The following CNGB3 variants were observed in gnomAD, a reference collection of about 807,000 sequenced individuals.
The protein encoded by CNGB3 is cyclic nucleotide-gated channel beta-3.
In CNGB3, 86 loss-of-function variants were observed where a neutral mutation model predicts 92.8. The observed-to-expected ratio is 0.93, with a 90% confidence interval of 0.78 to 1.11. The LOEUF (loss-of-function observed/expected upper bound fraction) is 1.11. Ranked by LOEUF, CNGB3 falls within the 50% of genes least tolerant of loss-of-function variation. The pLI is 0.00. For missense variants in CNGB3, 1,026 were observed against 956.8 expected, an observed-to-expected ratio of 1.07 and a Z score of -0.95; for synonymous variants, 333 against 332.7, an observed-to-expected ratio of 1.00 and a Z score of -0.01.
intron 8 of CNGB3, among the ~76,000 whole-genome samples, chr8:86,645,850 T>C (rs975620386): frequency 2.6e-5 from 4 of 151,214 alleles, no homozygotes; most frequent in African/African-American, 9.7e-5. Flanking sequence ...ATAAAATGTA[T>C]ATTCATTTGT....
intron 13 of CNGB3, among the ~76,000 whole-genome samples, chr8:86,614,378 C>A (rs375252847): frequency 9.5e-4 from 144 of 152,186 alleles, no homozygotes; most frequent in African/African-American, 3.2e-3. Flanking sequence ...TGTAAACCAA[C>A]CTGTTAGAAC....
At chr8:86,632,648 G>C in intron 11 of CNGB3, 104 bp downstream of exon 11, 1 of 1,222,372 alleles carries the variant, frequency 8.2e-7, no homozygotes, top group South Asian at 1.3e-5. Flanking sequence ...TTCAAAAAAA[G>C]AAGAACCAGA....
intron 3 of CNGB3, among the ~76,000 whole-genome samples, chr8:86,687,963 A>G (rs1209994104): frequency 6.6e-6 from 1 of 152,054 alleles, no homozygotes; most frequent in Non-Finnish European, 1.5e-5. Context: ...TGAAAAACAC[A>G]ATTACAGAAT....
At chr8:86,729,823 G>T (rs551880080) in intron 2 of CNGB3, among the ~76,000 whole-genome samples, 34 of 152,358 alleles carry the variant, frequency 2.2e-4, no homozygotes, top group African/African-American at 8.2e-4. Flanking sequence ...GTGAAATGTT[G>T]TCAACGGCAC....
chr8:86,694,374 G>C (rs1192671776), intron 3 of CNGB3, among the ~76,000 whole-genome samples: 2 of 150,554 alleles, frequency 1.3e-5, no homozygotes, highest in African/African-American at 2.4e-5. Context: ...CTTCCCTCCC[G>C]GACGGGGTGG....
At chr8:86,658,205 C>T (rs959312729) in intron 6 of CNGB3, 5 of 559,276 alleles carry the variant, frequency 8.9e-6, no homozygotes, top group African/African-American at 5.7e-5. Flanking sequence ...GACAGCTCAC[C>T]CTTTGCTCCT....
intron 7 of CNGB3, among the ~76,000 whole-genome samples, chr8:86,648,869 T>G (rs1178134346): frequency 6.6e-6 from 1 of 151,410 alleles, no homozygotes; most frequent in Non-Finnish European, 1.5e-5. Context: ...AAAATATCAC[T>G]GTTCGCTGAT....
chr8:86,599,130 C>T (rs1822236949), intron 15 of CNGB3, among the ~76,000 whole-genome samples: 2 of 152,194 alleles, frequency 1.3e-5, no homozygotes, highest in Admixed American at 1.3e-4. Context: ...GTGAAGATTT[C>T]ATGGACATTT....
intron 10 of CNGB3, among the ~76,000 whole-genome samples, chr8:86,640,161 T>C (rs933518506): frequency 1.3e-5 from 2 of 152,146 alleles, no homozygotes; most frequent in Admixed American, 6.6e-5. Context: ...CACACTTTGA[T>C]GATATATTGG....
chr8:86,576,035 T>A lies in CNGB3; in HGVS notation c.2199A>T (p.Lys733Asn). 6.2e-7 allele frequency: 1 copy of A among 1,606,418 alleles called. No individual in the cohort carries two copies. Among genetic ancestry groups the A allele is most frequent in the Non-Finnish European group, 8.5e-7 (1 of 1,176,250 alleles). The change falls in exon 18 of 18, where the codon AAA becomes AAT. Residue 733 changes from lysine to asparagine, a missense_variant. Coordinates refer to ENST00000320005, the MANE Select transcript of CNGB3 (RefSeq NM_019098.5). ...TATCTTTATCTTCATTTTCTTTTCCTTTATCTTCATTTTCTTTTTGTTTAT... is the reference window on the plus strand; with the variant it reads ...TATCTTTATCTTCATTTTCTTTTCCATTATCTTCATTTTCTTTTTGTTTAT... The part of the protein sequence containing the change: ...NEDKQKENED[K>N]GKENEDKDKG...
intron 2 of CNGB3, among the ~76,000 whole-genome samples, chr8:86,734,467 C>T (rs754135948): frequency 2.6e-5 from 4 of 152,126 alleles, no homozygotes; most frequent in South Asian, 2.1e-4. Context: ...GATCACTAAA[C>T]GCATTGCCAG....
At chr8:86,590,020 C>T (rs1029680122) in intron 15 of CNGB3, among the ~76,000 whole-genome samples, 3 of 147,462 alleles carry the variant, frequency 2.0e-5, no homozygotes, top group African/African-American at 7.5e-5. Flanking sequence ...AATCTGGGTG[C>T]TCCTGTATTG....
intron 13 of CNGB3, among the ~76,000 whole-genome samples, chr8:86,622,560 C>G (rs1253970730): frequency 6.6e-6 from 1 of 152,256 alleles, no homozygotes; most frequent in Middle Eastern, 3.4e-3. Context: ...CTCCTCATCC[C>G]CATTCACCAC....
At chr8:86,726,820 A>T (rs1054610517) in intron 2 of CNGB3, among the ~76,000 whole-genome samples, 163 bp from the exon 3 acceptor site, 1 of 152,240 alleles carries the variant, frequency 6.6e-6, no homozygotes, top group Non-Finnish European at 1.5e-5. Flanking sequence ...TTATGCAGGA[A>T]GAATTAACTG....
chr8:86,624,254 A>AC (rs1297993151), intron 13 of CNGB3, among the ~76,000 whole-genome samples: 1 of 152,178 alleles, frequency 6.6e-6, no homozygotes, highest in Non-Finnish European at 1.5e-5. Flanking sequence ...CCCCGTCTCT[A>AC]CTAAAAATAC....
chr8:86,608,886 G>C (rs1350565016), intron 14 of CNGB3, among the ~76,000 whole-genome samples: 1 of 151,932 alleles, frequency 6.6e-6, no homozygotes, highest in Non-Finnish European at 1.5e-5. Context: ...CCAGACATTC[G>C]GGGCCACTAC....
intron 1 of CNGB3, among the ~76,000 whole-genome samples, chr8:86,740,380 T>C (rs192523395): frequency 1.3e-5 from 2 of 152,318 alleles, no homozygotes; most frequent in East Asian, 3.9e-4. Flanking sequence ...AAACAGGAAG[T>C]GGTCAATTCT....
chr8:86,692,935 T>C (rs1164083985), intron 3 of CNGB3, among the ~76,000 whole-genome samples: 1 of 152,172 alleles, frequency 6.6e-6, no homozygotes, highest in African/African-American at 2.4e-5. Context: ...AGTGGTGAAT[T>C]CTCTCAGGAT....
At chr8:86,611,138 A>T (rs1276313699) in intron 14 of CNGB3, among the ~76,000 whole-genome samples, 3 of 152,180 alleles carry the variant, frequency 2.0e-5, no homozygotes, top group Non-Finnish European at 4.4e-5. Context: ...AATAATGAAC[A>T]TGCATTATTT....
Sources: allele counts gnomAD v4.1 joint callset (sites outside exome capture counted in the v4.1 genomes callset), GRCh38; gene constraint gnomAD v4.1.1; transcripts MANE v1.5; gene names NCBI Gene and HGNC (gene_info 2026-07-23, HGNC 2026-07-21).